Variants in STAT3 observed in about 807,000 individuals in gnomAD.
STAT3 encodes DNA-binding protein APRF.
A neutral mutation model predicts 114.3 loss-of-function variants in STAT3; 7 were observed. That is an observed-to-expected ratio of 0.06 (90% CI 0.03 to 0.11). The LOEUF (loss-of-function observed/expected upper bound fraction) is 0.11, where lower values mean the gene tolerates loss of function less well. Ranked by LOEUF, STAT3 falls within the 10% of genes least tolerant of loss-of-function variation. The pLI, the probability that STAT3 is intolerant of heterozygous loss-of-function variation, is 1.00. For missense variants in STAT3, 364 were observed against 960.9 expected (o/e 0.38, Z 8.21); for synonymous variants, 331 against 354.5 (o/e 0.93, Z 0.74).
At chr17:42,363,208 T>C (rs1236060455) in intron 1 of STAT3, among the ~76,000 whole-genome samples, 1 of 152,176 alleles carries the variant, frequency 6.6e-6, no homozygotes, top group Non-Finnish European at 1.5e-5. Context: ...GAAAATATTC[T>C]GAGGAATAGG....
At chr17:42,372,149 T>C (rs1286284030) in intron 1 of STAT3, among the ~76,000 whole-genome samples, 2 of 152,206 alleles carry the variant, frequency 1.3e-5, no homozygotes, top group Non-Finnish European at 2.9e-5. Flanking sequence ...ACTTTGAATA[T>C]AGTTTGATAG....
chr17:42,332,609 G>C (rs1001652979), intron 10 of STAT3, among the ~76,000 whole-genome samples: 1 of 150,632 alleles, frequency 6.6e-6, no homozygotes, highest in African/African-American at 2.4e-5. Flanking sequence ...TTTGGAGGCC[G>C]GGGTGGGTGG....
At chr17:42,369,279 C>T (rs2083973748) in intron 1 of STAT3, among the ~76,000 whole-genome samples, 1 of 152,104 alleles carries the variant, frequency 6.6e-6, no homozygotes, top group Non-Finnish European at 1.5e-5. Flanking sequence ...ATTGCTTGAA[C>T]CTGGGAGGCG....
At chr17:42,375,621 G>A (rs1157970745) in intron 1 of STAT3, among the ~76,000 whole-genome samples, 1 of 152,080 alleles carries the variant, frequency 6.6e-6, no homozygotes, top group Admixed American at 6.6e-5. Flanking sequence ...CTGAGGTTGG[G>A]AGTTCGAGAC....
chr17:42,315,916 C>G (rs2081230021), intron 23 of STAT3, 116 bp from the exon 24 acceptor site: 5 of 1,590,776 alleles, frequency 3.1e-6, no homozygotes, highest in Non-Finnish European at 4.3e-6. Context: ...CAATCTCCTG[C>G]CCCTTAAGGC....
intron 14 of STAT3, among the ~76,000 whole-genome samples, chr17:42,328,368 C>T (rs1391848740): frequency 3.3e-5 from 5 of 152,192 alleles, no homozygotes; most frequent in African/African-American, 9.6e-5. Flanking sequence ...ACTCTACTGT[C>T]AAGTAAAATT....
chr17:42,374,702 C>T (rs1181494670), intron 1 of STAT3, among the ~76,000 whole-genome samples: 1 of 151,882 alleles, frequency 6.6e-6, no homozygotes, highest in East Asian at 1.9e-4. Context: ...CTGAGGTGGC[C>T]AAGATAATGT....
In STAT3 at chr17:42,334,014, C is replaced by T. The variant is rs2082128828; in HGVS notation, c.833G>A (p.Arg278His). The change falls in exon 9 of 24, where the codon CGT (arginine) becomes CAT (histidine). Residue 278 changes from arginine to histidine, a missense_variant. Transcript: ENST00000264657. Reference protein sequence around the residue: ...TSLAESQLQTRQQIKKLEELQ... With the variant: ...TSLAESQLQTHQQIKKLEELQ... Reference sequence around the variant, plus strand: ...CTCCTCCAGTTTCTTAATTTGTTGACGGGTCTGAAGTTGAGATTCTGCTAA... The same window carrying T: ...CTCCTCCAGTTTCTTAATTTGTTGATGGGTCTGAAGTTGAGATTCTGCTAA... 6.2e-7 allele frequency: 1 copy of T among 1,613,944 alleles called. No individual in the cohort carries two copies. Among genetic ancestry groups the T allele is most frequent in the Non-Finnish European group, 8.5e-7 (1 of 1,180,034 alleles).
At chr17:42,350,956 C>T (rs1963988) in intron 1 of STAT3, among the ~76,000 whole-genome samples, 9,191 of 151,838 alleles carry the variant, frequency 0.061, 343 homozygotes, top group Non-Finnish European at 0.074. Context: ...TATGGTGAAA[C>T]CCCGTCTCTA....
intron 1 of STAT3, among the ~76,000 whole-genome samples, chr17:42,381,404 CTTA>C (rs1259088019): frequency 6.6e-6 from 1 of 152,062 alleles, no homozygotes; most frequent in African/African-American, 2.4e-5. Flanking sequence ...ATTTACCTTC[CTTA>C]TTATTCTTTT....
intron 15 of STAT3, among the ~76,000 whole-genome samples, chr17:42,325,547 T>C (rs2081669216): frequency 6.6e-6 from 1 of 152,096 alleles, no homozygotes; most frequent in East Asian, 1.9e-4. Context: ...TGCCCAAACT[T>C]TATAAAGTCA....
At position 42,333,568 on chromosome 17, in the gene STAT3, G is replaced by A. The variant is rs2082110603; in HGVS notation, c.1049+105C>T. The A allele has an allele frequency of 7.7e-6, 10 of 1,293,806 alleles. No homozygotes were observed. Among genetic ancestry groups the A allele is most frequent in the Non-Finnish European group, 1.0e-5 (9 of 904,396 alleles). 80.1% of individuals were successfully genotyped at this position (1,293,806 alleles called of 1,614,324 possible). On this transcript the variant is annotated intron_variant, in intron 10 of 23. Transcript: ENST00000264657. This position sits in a 1 kb window ranked among gnomAD's most constrained non-coding sequence, Gnocchi z 5.2. ...TCAACCCCGCAACAGTGTACTGCCTGTGACACCACACCTGGAAAGAATGAC... is the reference window on the plus strand; with the variant it reads ...TCAACCCCGCAACAGTGTACTGCCTATGACACCACACCTGGAAAGAATGAC...
chr17:42,338,861 T>C, intron 5 of STAT3, 49 bp from the exon 6 acceptor site: 2 of 1,506,900 alleles, frequency 1.3e-6, no homozygotes, highest in Non-Finnish European at 1.8e-6. Context: ...AAGATTTCCT[T>C]GGGAACAGAA....
At chr17:42,376,472 G>A (rs1288613598) in intron 1 of STAT3, among the ~76,000 whole-genome samples, 6 of 151,196 alleles carry the variant, frequency 4.0e-5, no homozygotes, top group Admixed American at 6.6e-5. Flanking sequence ...ACTTGAACCC[G>A]GGAGGTGGAG....
At chr17:42,328,559 C>T (rs2081846384) in intron 14 of STAT3, among the ~76,000 whole-genome samples, 1 of 152,166 alleles carries the variant, frequency 6.6e-6, no homozygotes, top group African/African-American at 2.4e-5. Flanking sequence ...AGGCGTGCAC[C>T]ACCACACCCA....
chr17:42,355,263 A>G (rs1244386084), intron 1 of STAT3, among the ~76,000 whole-genome samples: 1 of 152,212 alleles, frequency 6.6e-6, no homozygotes, highest in Non-Finnish European at 1.5e-5. Flanking sequence ...TTTATTAGAC[A>G]TTCTAGAATT....
At chr17:42,363,375 T>C (rs2083613175) in intron 1 of STAT3, among the ~76,000 whole-genome samples, 4 of 152,148 alleles carry the variant, frequency 2.6e-5, no homozygotes, top group Non-Finnish European at 5.9e-5. Context: ...GCAAAATCTT[T>C]ACCCTTATCT....
chr17:42,324,591 C>G lies in STAT3; in HGVS notation c.1600+120G>C. On this transcript the variant is annotated intron_variant, in intron 17 of 23. Transcript: ENST00000264657. This position sits in a 1 kb window ranked among gnomAD's most constrained non-coding sequence, Gnocchi z 4.5. Reference sequence around the variant, plus strand: ...CCTGTTTCCTGGCACCAGCACAGCGCCTTGCTCAGGAAAGAAACATGGCCT... The same window carrying G: ...CCTGTTTCCTGGCACCAGCACAGCGGCTTGCTCAGGAAAGAAACATGGCCT... The G allele has an allele frequency of 7.1e-7, 1 of 1,417,524 alleles. No homozygotes were observed. Among genetic ancestry groups the G allele is most frequent in the Non-Finnish European group, 9.6e-7 (1 of 1,044,106 alleles). 87.8% of individuals were successfully genotyped at this position (1,417,524 alleles called of 1,614,324 possible). A position where few individuals can be genotyped will look rare whatever the true frequency, so the allele number is the denominator to read the frequency against.
At chr17:42,371,391 C>A (rs1190350368) in intron 1 of STAT3, among the ~76,000 whole-genome samples, 1 of 151,704 alleles carries the variant, frequency 6.6e-6, no homozygotes, top group Non-Finnish European at 1.5e-5. Context: ...CCAAAACAGG[C>A]GGGGCACGGT....
Sources: allele counts gnomAD v4.1 joint callset (sites outside exome capture counted in the v4.1 genomes callset), GRCh38; gene constraint gnomAD v4.1.1; non-coding constraint Gnocchi (gnomAD v3.1); transcripts MANE v1.5; gene names NCBI Gene and HGNC (gene_info 2026-07-23, HGNC 2026-07-21).